The following LMBR1 variants were observed in gnomAD, a reference collection of about 807,000 sequenced individuals.
LMBR1 encodes the protein limb region 1 protein homolog.
LMBR1 carries 52 observed loss-of-function variants against 73.9 expected under a neutral mutation model. The ratio of observed to expected loss-of-function variants is 0.70; its 90% confidence interval spans 0.56 to 0.89. The LOEUF (loss-of-function observed/expected upper bound fraction) is 0.89. LMBR1 is among the 40% of genes least tolerant of loss of function. The probability of loss-of-function intolerance (pLI) is 0.00; values close to 1 mark genes in which losing one functional copy is unlikely to be tolerated. For synonymous variants in LMBR1, 215 were observed against 209.4 expected (o/e 1.03, Z -0.23); for missense variants, 539 against 579.8 (o/e 0.93, Z 0.72).
In LMBR1 at chr7:156,762,778, G is replaced by A. The variant is rs116151337; in HGVS notation, c.619+330C>T. On this transcript the variant is annotated intron_variant, in intron 7 of 16. Coordinates refer to ENST00000353442, the MANE Select transcript of LMBR1 (RefSeq NM_022458.4). ...GGCTATAGCATGTGTGTATGAGTGT[G>A]CACATGGTTTGTGTGTCAGTGTATG... Among the ~76,000 whole-genome samples, 716 of 152,040 alleles carry A rather than the reference G, an allele frequency of 4.7e-3. 4 individuals carry two copies. Among genetic ancestry groups the A allele is most frequent in the African/African-American group, 0.017 (688 of 41,494 alleles).
intron 4 of LMBR1, among the ~76,000 whole-genome samples, chr7:156,809,796 T>A (rs188830252): frequency 6.6e-6 from 1 of 152,196 alleles, no homozygotes; most frequent in Non-Finnish European, 1.5e-5. Context: ...TTTTTGTAGA[T>A]GCATTTAAGA....
At position 156,682,799 on chromosome 7, in the gene LMBR1, T is replaced by A. The variant is rs1028649257; in HGVS notation, c.*1279A>T. The A allele has an allele frequency of 6.6e-6, 1 of 152,222 alleles. No individual in the cohort carries two copies. Among genetic ancestry groups the A allele is most frequent in the African/African-American group, 2.4e-5 (1 of 41,458 alleles). 9.4% of individuals were successfully genotyped at this position (152,222 alleles called of 1,614,324 possible). A position where few individuals can be genotyped will look rare whatever the true frequency, so the allele number is the denominator to read the frequency against. On this transcript the variant is annotated 3_prime_UTR_variant, in exon 17 of 17. Transcript: ENST00000353442. ...TTTACTTTTGTCTGAACACAGACCA[T>A]CTATTTTCATACACACAGTGCATGT...
In LMBR1 at chr7:156,814,631, C is replaced by T. The variant is rs574857029; in HGVS notation, c.319+11974G>A. Among the ~76,000 whole-genome samples, 23 of 152,252 alleles carry T rather than the reference C, an allele frequency of 1.5e-4. No individual in the cohort carries two copies. The South Asian group carries it at 4.1e-3, about 27-fold the overall frequency. The stretch of plus-strand genomic sequence containing the variant: ...CAATTTGTGATTTTTAAAACCTCAC[C>T]AGTTCTCAATGGCAGATAGCTAAGT... On this transcript the variant is annotated intron_variant, in intron 4 of 16. Coordinates refer to ENST00000353442, the MANE Select transcript of LMBR1 (RefSeq NM_022458.4).
intron 4 of LMBR1, among the ~76,000 whole-genome samples, chr7:156,815,156 CAAA>C (rs10674367): frequency 2.4e-5 from 2 of 84,328 alleles, no homozygotes; most frequent in Non-Finnish European, 4.6e-5. Context: ...AACTCCGTCT[CAAA>C]AAAAAAAAAA....
rs189661241 is a variant in LMBR1 at position 156,766,855 on chromosome 7, A to C, written c.424-3060T>G. On this transcript the variant is annotated intron_variant, in intron 5 of 16. Transcript: ENST00000353442. ...AAGGAATGTCATCATGATGGTGTGA[A>C]CTGTGAGCCATGCAACACCAGGTAA... 9.2e-5 allele frequency among the ~76,000 whole-genome samples: 14 copies of C among 152,280 alleles called. No homozygotes were observed. In the East Asian group the frequency reaches 1.9e-3, roughly 21 times the overall value.
chr7:156,707,983 T>C (rs1327849801), intron 15 of LMBR1, among the ~76,000 whole-genome samples: 1 of 149,788 alleles, frequency 6.7e-6, no homozygotes, highest in Non-Finnish European at 1.5e-5. Context: ...ATAAATTCAG[T>C]AAAGTTTCAG....
In LMBR1 at chr7:156,893,023, G is replaced by T. The variant is rs1195089650; in HGVS notation, c.-30C>A. On this transcript the variant is annotated 5_prime_UTR_variant, in exon 1 of 17. Coordinates refer to ENST00000353442, the MANE Select transcript of LMBR1 (RefSeq NM_022458.4). ...CTTCATGCCCGCCGCCGCGCCGCCC[G>T]CGTCCGCGTGCTCCGCCACACCATC... 1 of 1,472,854 alleles carries T rather than the reference G, an allele frequency of 6.8e-7. No individual in the cohort carries two copies. Among genetic ancestry groups the T allele is most frequent in the Admixed American group, 2.3e-5 (1 of 43,774 alleles). 91.2% of individuals were successfully genotyped at this position (1,472,854 alleles called of 1,614,324 possible).
intron 3 of LMBR1, among the ~76,000 whole-genome samples, chr7:156,828,477 A>G (rs1836086693): frequency 6.6e-6 from 1 of 152,178 alleles, no homozygotes; most frequent in South Asian, 2.1e-4. Context: ...GTTTCCCCAA[A>G]TATCTGACAT....
intron 16 of LMBR1, 55 bp downstream of exon 16, chr7:156,687,975 A>G: frequency 2.8e-6 from 4 of 1,430,344 alleles, no homozygotes; most frequent in Non-Finnish European, 3.8e-6. Context: ...ATTAACTCAA[A>G]TGTCAAAATT....
intron 5 of LMBR1, among the ~76,000 whole-genome samples, chr7:156,790,498 T>C (rs1829018140): frequency 6.6e-6 from 1 of 151,996 alleles, no homozygotes; most frequent in South Asian, 2.1e-4. Flanking sequence ...GTTATGCAAA[T>C]AAAGAGACAA....
At chr7:156,764,356 A>G (rs1020543953) in intron 5 of LMBR1, among the ~76,000 whole-genome samples, 3 of 152,212 alleles carry the variant, frequency 2.0e-5, no homozygotes, top group African/African-American at 4.8e-5. Context: ...TTCACATTAT[A>G]TAGAATTTTC....
intron 9 of LMBR1, among the ~76,000 whole-genome samples, chr7:156,739,764 T>A (rs575257034): frequency 6.6e-6 from 1 of 152,132 alleles, no homozygotes; most frequent in Non-Finnish European, 1.5e-5. Context: ...CGGAAAGCCT[T>A]CCCAAGAAAG....
downstream of LMBR1, among the ~76,000 whole-genome samples, chr7:156,673,153 T>C (rs1430842206): frequency 6.6e-6 from 1 of 152,210 alleles, no homozygotes; most frequent in African/African-American, 2.4e-5. Flanking sequence ...CCAAAACTAA[T>C]CTCAGAACAT....
chr7:156,817,465 C>G (rs79646931), intron 4 of LMBR1, among the ~76,000 whole-genome samples: 4,817 of 151,642 alleles, frequency 0.032, 122 homozygotes, highest in South Asian at 0.085. Flanking sequence ...GAATTATTAG[C>G]CACTGTTGAT....
At chr7:156,861,995 T>C (rs1419992207) in intron 1 of LMBR1, among the ~76,000 whole-genome samples, 3 of 152,240 alleles carry the variant, frequency 2.0e-5, no homozygotes, top group African/African-American at 7.2e-5. Context: ...CCACTCTCTG[T>C]TCCCCAGTTC....
chr7:156,806,746 G>C (rs533293429), intron 4 of LMBR1, among the ~76,000 whole-genome samples: 17 of 151,758 alleles, frequency 1.1e-4, no homozygotes, highest in Non-Finnish European at 2.1e-4. Context: ...CGAATAGCTG[G>C]GACTACAGGT....
chr7:156,707,569 A>C lies in LMBR1; in HGVS notation c.1225+16543T>G, dbSNP rs115767815. The stretch of plus-strand genomic sequence containing the variant: ...GGAGTGTAAGGATGGTTCAACATAC[A>C]CAGTCAGTAAATGTGATATATCACA... On this transcript the variant is annotated intron_variant, in intron 15 of 16. Coordinates refer to ENST00000353442, the MANE Select transcript of LMBR1 (RefSeq NM_022458.4). Among the ~76,000 whole-genome samples, 725 of 152,316 alleles carry C rather than the reference A, an allele frequency of 4.8e-3. 8 individuals are homozygous for C. The highest frequency in any genetic ancestry group is 0.017 in the African/African-American group (692 of 41,562).
intron 15 of LMBR1, among the ~76,000 whole-genome samples, chr7:156,697,928 A>G (rs1329713190): frequency 1.3e-5 from 2 of 152,190 alleles, no homozygotes; most frequent in Admixed American, 6.5e-5. Flanking sequence ...ACAAATGTCC[A>G]TATTAAAATG....
intron 3 of LMBR1, among the ~76,000 whole-genome samples, chr7:156,832,422 G>A (rs1836850203): frequency 6.6e-6 from 1 of 151,988 alleles, no homozygotes; most frequent in African/African-American, 2.4e-5. Flanking sequence ...CATGTTCATT[G>A]CCCCAAAATA....
Sources: gnomAD v4.1 joint callset for allele counts (sites outside exome capture counted in the v4.1 genomes callset) on GRCh38, gnomAD v4.1.1 for gene constraint, MANE v1.5 for transcripts, NCBI Gene and HGNC (gene_info 2026-07-23, HGNC 2026-07-21) for gene names.